ZMIZ2: variants seen among roughly 807,000 people sequenced by gnomAD.
ZMIZ2 encodes the protein zinc finger MIZ-type containing 2.
Under a neutral mutation model 93.9 loss-of-function variants are expected in ZMIZ2, and 26 were observed. That is an observed-to-expected ratio of 0.28 (90% CI 0.20 to 0.38). The LOEUF is 0.38. ZMIZ2 is among the 10% of genes least tolerant of loss of function. The pLI is 1.00. For missense variants in ZMIZ2, 1,023 were observed against 1,235.0 expected (o/e 0.83, Z 2.57); for synonymous variants, 485 against 516.4 (o/e 0.94, Z 0.82).
intron 3 of ZMIZ2, 176 bp downstream of exon 3, chr7:44,756,715 T>G (rs1790627193): frequency 2.6e-6 from 2 of 780,008 alleles, no homozygotes; most frequent in Non-Finnish European, 4.1e-6. Flanking sequence ...TGGACACTGG[T>G]TCTCTTTCCA....
At position 44,756,662 on chromosome 7, in the gene ZMIZ2, GCATGA is replaced by G. The variant is rs1360438508; in HGVS notation, c.165+127_165+131del. ...GAGAGGTGAGGACAGAGAGGCTGAG[GCATGA>G]CATATGAGGATGGGGCCTCCTGAGT... On this transcript the variant is annotated intron_variant, in intron 3 of 18. Transcript: ENST00000309315. 23 of 1,094,278 alleles carry G rather than the reference GCATGA, an allele frequency of 2.1e-5. No homozygotes were observed. The Admixed American group carries it at 4.4e-4, about 21-fold the overall frequency. 67.8% of individuals were successfully genotyped at this position (1,094,278 alleles called of 1,614,324 possible).
intron 1 of ZMIZ2, among the ~76,000 whole-genome samples, chr7:44,751,660 A>C (rs932803541): frequency 6.6e-6 from 1 of 152,202 alleles, no homozygotes; most frequent in African/African-American, 2.4e-5. Flanking sequence ...TAAACTTTTT[A>C]TTTTGAAATT....
In ZMIZ2 at chr7:44,760,500, A is replaced by G; in HGVS notation, c.1147A>G (p.Ser383Gly). 1 of 1,614,174 alleles carries G rather than the reference A, an allele frequency of 6.2e-7. No homozygotes were observed. The highest frequency in any genetic ancestry group is 8.5e-7 in the Non-Finnish European group (1 of 1,180,024). The change falls in exon 9 of 19, where the codon AGC becomes GGC. Residue 383 changes from serine to glycine, a missense_variant. By Grantham distance (56) the Ser-to-Gly change is moderately conservative. Transcript: ENST00000309315. ...CACGCCACCCATGACCCCAAGCAGCAGCGTCCCTTACATGTCACCAAACCA... is the reference window on the plus strand; with the variant it reads ...CACGCCACCCATGACCCCAAGCAGCGGCGTCCCTTACATGTCACCAAACCA... The part of the protein sequence containing the change: ...NPTPPMTPSS[S>G]VPYMSPNQEV...
intron 6 of ZMIZ2, among the ~76,000 whole-genome samples, chr7:44,758,943 G>C (rs1261128729): frequency 2.0e-5 from 3 of 150,984 alleles, no homozygotes; most frequent in Non-Finnish European, 3.0e-5. Flanking sequence ...TTAGCCGGGC[G>C]TGGTGGTGTG....
At chr7:44,751,640 G>T (rs192614367) in intron 1 of ZMIZ2, among the ~76,000 whole-genome samples, 1 of 152,368 alleles carries the variant, frequency 6.6e-6, no homozygotes, top group Admixed American at 6.5e-5. Context: ...GGTAGCAGTT[G>T]TATTGTAATT....
At chr7:44,751,285 C>T (rs1790122510) in intron 1 of ZMIZ2, among the ~76,000 whole-genome samples, 1 of 152,258 alleles carries the variant, frequency 6.6e-6, no homozygotes, top group Non-Finnish European at 1.5e-5. Flanking sequence ...AGTTCCTGGA[C>T]CAGCAGCAGC....
rs1278871429 is a variant in ZMIZ2 at position 44,767,639 on chromosome 7, A to G, written c.*16A>G. 8 of 1,607,720 alleles carry G rather than the reference A, an allele frequency of 5.0e-6. No individual in the cohort carries two copies. The highest frequency in any genetic ancestry group is 6.8e-6 in the Non-Finnish European group (8 of 1,174,248). ...GAACAACTGATCCTGTGTTTACCCC[A>G]AGCCCGGCGGGGACACGCTCACAGA... On this transcript the variant is annotated 3_prime_UTR_variant, in exon 19 of 19. Coordinates refer to ENST00000309315, the MANE Select transcript of ZMIZ2 (RefSeq NM_031449.4).
intron 5 of ZMIZ2, 65 bp from the exon 6 acceptor site, chr7:44,757,783 T>G: frequency 2.0e-6 from 3 of 1,507,882 alleles, no homozygotes; most frequent in Non-Finnish European, 2.7e-6. Context: ...GGGCGGGTTT[T>G]ATGCCTATCT....
chr7:44,750,460 C>G (rs987288334), intron 1 of ZMIZ2, among the ~76,000 whole-genome samples: 1 of 152,202 alleles, frequency 6.6e-6, no homozygotes. Context: ...CTTCAATACC[C>G]TTTGACTCCA....
Position 44,763,542 on chromosome 7 carries a change from C to T in ZMIZ2, c.1860+129C>T. 1.2e-5 allele frequency: 16 copies of T among 1,328,760 alleles called. No homozygotes were observed. The highest frequency in any genetic ancestry group is 1.6e-5 in the Non-Finnish European group (16 of 980,786). 82.3% of individuals were successfully genotyped at this position (1,328,760 alleles called of 1,614,324 possible). On this transcript the variant is annotated intron_variant, in intron 13 of 18. Transcript: ENST00000309315. This position sits in a 1 kb window ranked among gnomAD's most constrained non-coding sequence, Gnocchi z 5.6. ...TGGCTGTCAGGCTGACAGGACAGGC[C>T]TCCCACGCCAAGGAGGCAGGTGGGC...
chr7:44,759,312 G>A lies in ZMIZ2; in HGVS notation c.845G>A (p.Gly282Asp). 6.3e-7 allele frequency: 1 copy of A among 1,583,366 alleles called. No homozygotes were observed. The highest frequency in any genetic ancestry group is 8.6e-7 in the Non-Finnish European group (1 of 1,165,674). Residue 282 changes from glycine to aspartate, a missense_variant, in exon 7 of 19, where the codon GGC (glycine) becomes GAC (aspartate). Transcript: ENST00000309315. ...VYPGQQYLQG[G>D]QYAPSTAQFA... The stretch of plus-strand genomic sequence containing the variant: ...CCAGGGCAGCAGTATCTGCAAGGAG[G>A]CCAGTATGCACCCAGCACCGCCCAG...
intron 1 of ZMIZ2, among the ~76,000 whole-genome samples, chr7:44,752,469 C>T (rs1790238752): frequency 6.6e-6 from 1 of 152,156 alleles, no homozygotes; most frequent in African/African-American, 2.4e-5. Context: ...TCACGCCCAC[C>T]TTCCTCCTGC....
chr7:44,755,639 C>G (rs1477109496), intron 1 of ZMIZ2, among the ~76,000 whole-genome samples: 3 of 152,194 alleles, frequency 2.0e-5, no homozygotes, highest in Admixed American at 6.5e-5. Context: ...CACCGCACCC[C>G]TGCACTCTCC....
At chr7:44,756,321 C>T (rs902786550) in intron 2 of ZMIZ2, 22 bp downstream of exon 2, 2 of 1,613,982 alleles carry the variant, frequency 1.2e-6, no homozygotes, top group Non-Finnish European at 1.7e-6. Flanking sequence ...CTCCTCTGCC[C>T]ACCCCTCAGG....
chr7:44,763,495 C>T lies in ZMIZ2; in HGVS notation c.1860+82C>T. On this transcript the variant is annotated intron_variant, in intron 13 of 18. Coordinates refer to ENST00000309315, the MANE Select transcript of ZMIZ2 (RefSeq NM_031449.4). The surrounding 1 kb of genome is among the most constrained non-coding windows in gnomAD (Gnocchi z 5.6). ...CGATACATCAGTGTCATTCTCTGGA[C>T]AGACGTGAACTCCGAGTGCCTTGGC... 1.3e-6 allele frequency: 2 copies of T among 1,539,148 alleles called. No homozygotes were observed. The highest frequency in any genetic ancestry group is 1.8e-6 in the Non-Finnish European group (2 of 1,134,406).
Position 44,765,311 on chromosome 7 carries a change from C to A in ZMIZ2, c.1998-24C>A. The A allele has an allele frequency of 6.2e-7, 1 of 1,608,594 alleles. No individual in the cohort carries two copies. The highest frequency in any genetic ancestry group is 8.5e-7 in the Non-Finnish European group (1 of 1,176,814). ...GGCCAGCAGCAGGCCAGGAGGTAAC[C>A]ATTCCCCACCTGTCCCTGCCCAGCT... On this transcript the variant is annotated intron_variant, in intron 15 of 18. Transcript: ENST00000309315. The surrounding 1 kb of genome is among the most constrained non-coding windows in gnomAD (Gnocchi z 4.1).
At position 44,763,569 on chromosome 7, in the gene ZMIZ2, T is replaced by A; in HGVS notation, c.1860+156T>A. 9.8e-7 allele frequency: 1 copy of A among 1,025,034 alleles called. No homozygotes were observed. The highest frequency in any genetic ancestry group is 1.4e-6 in the Non-Finnish European group (1 of 713,854). 63.5% of individuals were successfully genotyped at this position (1,025,034 alleles called of 1,614,324 possible). A position where few individuals can be genotyped will look rare whatever the true frequency, so the allele number is the denominator to read the frequency against. The stretch of plus-strand genomic sequence containing the variant: ...CCCACGCCAAGGAGGCAGGTGGGCC[T>A]GGCTCCCCCAAGACTAGGCTATTTT... On this transcript the variant is annotated intron_variant, in intron 13 of 18. Transcript: ENST00000309315. The surrounding 1 kb of genome is among the most constrained non-coding windows in gnomAD (Gnocchi z 5.6).
At chr7:44,756,361 G>T in intron 2 of ZMIZ2, 62 bp downstream of exon 2, 1 of 1,613,862 alleles carries the variant, frequency 6.2e-7, no homozygotes, top group African/African-American at 1.3e-5. Flanking sequence ...ATTTCTGGAA[G>T]ATCCTAGACT....
Position 44,765,021 on chromosome 7 carries a change from C to T in ZMIZ2, c.1997+12C>T, listed in dbSNP as rs1791560630. 2 of 1,614,034 alleles carry T rather than the reference C, an allele frequency of 1.2e-6. No individual in the cohort carries two copies. The highest frequency in any genetic ancestry group is 8.5e-7 in the Non-Finnish European group (1 of 1,179,998). Reference sequence around the variant, plus strand: ...ATTTACATTCAGAAGTAAGCATCCTCTTCCTGTGATCCCTGCATCTGTGGC... The same window carrying T: ...ATTTACATTCAGAAGTAAGCATCCTTTTCCTGTGATCCCTGCATCTGTGGC... On this transcript the variant is annotated intron_variant, in intron 15 of 18. Coordinates refer to ENST00000309315, the MANE Select transcript of ZMIZ2 (RefSeq NM_031449.4). The surrounding 1 kb of genome is among the most constrained non-coding windows in gnomAD (Gnocchi z 4.1).
Sources: gnomAD v4.1 joint callset for allele counts (sites outside exome capture counted in the v4.1 genomes callset) on GRCh38, gnomAD v4.1.1 for gene constraint, Gnocchi (gnomAD v3.1) non-coding constraint, MANE v1.5 for transcripts, NCBI Gene and HGNC (gene_info 2026-07-23, HGNC 2026-07-21) for gene names.